PHLDB3: variants seen among roughly 807,000 people sequenced by gnomAD.
The protein encoded by PHLDB3 is pleckstrin homology like domain family B member 3, also known as pleckstrin homology-like domain family B member 3.
Under a neutral mutation model 85.7 loss-of-function variants are expected in PHLDB3, and 86 were observed. The ratio of observed to expected loss-of-function variants is 1.00; its 90% CI spans 0.84 to 1.20. The LOEUF (loss-of-function observed/expected upper bound fraction) is 1.20. Ranked by LOEUF, PHLDB3 falls within the 50% of genes most tolerant of loss-of-function variation. The pLI is 0.00. For synonymous variants in PHLDB3, 376 were observed against 349.8 expected, an observed-to-expected ratio of 1.07 and a Z score of -0.83; for missense variants, 995 against 873.0, an observed-to-expected ratio of 1.14 and a Z score of -1.76.
Position 43,479,468 on chromosome 19 carries a change from TC to T in PHLDB3, c.1610del (p.Gly537AspfsTer4), listed in dbSNP as rs1473098080. 1.3e-6 allele frequency: 2 copies of T among 1,562,602 alleles called. No individual in the cohort carries two copies. The highest frequency in any genetic ancestry group is 1.4e-5 in the African/African-American group (1 of 73,312). ...HVQVSGCCCR[G>X]PLVKMGGRIK... ...TGCGGCCGCCCATCTTCACCAGGGG[TC>T]CACGGCAGCAGCACCCAGACACCTG... On this transcript the variant is annotated frameshift_variant, in exon 14 of 16. Coordinates refer to ENST00000292140, the MANE Select transcript of PHLDB3 (RefSeq NM_198850.4). LOFTEE classifies it high-confidence loss of function.
intron 3 of PHLDB3, 52 bp downstream of exon 3, chr19:43,502,049 G>A: frequency 6.5e-7 from 1 of 1,534,216 alleles, no homozygotes; most frequent in Non-Finnish European, 8.8e-7. Flanking sequence ...GTCCGGCTTT[G>A]CGGGTTCCGC....
Position 43,497,884 on chromosome 19 carries a change from A to G in PHLDB3, c.535-8T>C, listed in dbSNP as rs778753039. 19 of 1,583,260 alleles carry G rather than the reference A, an allele frequency of 1.2e-5. 1 individual carries two copies. In the South Asian group the frequency reaches 2.1e-4, roughly 17 times the overall value. ...GCTCAGCCGCCTCTGTTCCTGAAAG[A>G]ACAACAAGGTTCTCACCCTCAGCTT... On this transcript the variant is annotated splice_region_variant and splice_polypyrimidine_tract_variant and intron_variant, in intron 4 of 15. Transcript: ENST00000292140.
rs1971683784 is a variant in PHLDB3 at position 43,503,957 on chromosome 19, T to G, written c.162A>C (p.Ala54=). The change falls in exon 2 of 16, where the codon GCA becomes GCC. Residue 54 remains alanine, a synonymous_variant. Transcript: ENST00000292140. The part of the protein sequence containing the change: ...PSSRGGAEQQ[A]EEEEVGEGSS... ...TGCCTTCTCCCACTTCTTCTTCCTCTGCCTGCTGCTCAGCTCCCCCGCGGC... is the reference window on the plus strand; with the variant it reads ...TGCCTTCTCCCACTTCTTCTTCCTCGGCCTGCTGCTCAGCTCCCCCGCGGC... The G allele has an allele frequency of 1.2e-6, 2 of 1,613,932 alleles. No homozygotes were observed. Among genetic ancestry groups the G allele is most frequent in the African/African-American group, 2.7e-5 (2 of 75,054 alleles).
In PHLDB3 at chr19:43,497,821, A is replaced by C. The variant is rs775064440; in HGVS notation, c.590T>G (p.Leu197Arg). 3 of 1,567,356 alleles carry C rather than the reference A, an allele frequency of 1.9e-6. No homozygotes were observed. The South Asian group carries it at 3.5e-5, about 18-fold the overall frequency. ...RDRLEGLRQR[L>R]RKAQGQLDSQ... Reference sequence around the variant, plus strand: ...GTCGAGCTGTCCCTGGGCCTTGCGGAGTCTCTGGCGAAGACCCTCTAGGCG... The same window carrying C: ...GTCGAGCTGTCCCTGGGCCTTGCGGCGTCTCTGGCGAAGACCCTCTAGGCG... Residue 197 changes from leucine (L) to arginine (R), a missense_variant, in exon 5 of 16, where the codon CTC (leucine) becomes CGC (arginine). Leu to Arg is a moderately radical substitution (Grantham distance 102, BLOSUM62 -2). Transcript: ENST00000292140.
chr19:43,475,137 C>T lies in PHLDB3; in HGVS notation c.*273G>A. On this transcript the variant is annotated 3_prime_UTR_variant, in exon 16 of 16. Coordinates refer to ENST00000292140, the MANE Select transcript of PHLDB3 (RefSeq NM_198850.4). ...TTCCTCCGTATTTAATTCGGTATCA[C>T]AGGAGCACCAATAAATAGTTTCTTC... The T allele has an allele frequency of 2.6e-6, 1 of 380,084 alleles. No homozygotes were observed. The highest frequency in any genetic ancestry group is 4.8e-6 in the Non-Finnish European group (1 of 206,690). 23.5% of individuals were successfully genotyped at this position (380,084 alleles called of 1,614,324 possible).
chr19:43,479,321 G>C lies in PHLDB3; in HGVS notation c.1702+56C>G. The C allele has an allele frequency of 2.6e-6, 4 of 1,513,586 alleles. No individual in the cohort carries two copies. In the South Asian group the frequency reaches 3.6e-5, roughly 14 times the overall value. 93.8% of individuals were successfully genotyped at this position (1,513,586 alleles called of 1,614,324 possible). ...GACTTCTGGTGCCTGTAGAGGAAAG[G>C]CCTCCGGAGTGGAATTCCAGCGTCC... On this transcript the variant is annotated intron_variant, in intron 14 of 15. Coordinates refer to ENST00000292140, the MANE Select transcript of PHLDB3 (RefSeq NM_198850.4).
chr19:43,479,277 C>T (rs1161829686), intron 14 of PHLDB3, 100 bp downstream of exon 14: 27 of 1,242,432 alleles, frequency 2.2e-5, no homozygotes, highest in Non-Finnish European at 2.9e-5. Flanking sequence ...TCCTGGGGAA[C>T]ATGGAAAGTG....
intron 15 of PHLDB3, among the ~76,000 whole-genome samples, chr19:43,477,390 G>A (rs961243314): frequency 6.6e-6 from 1 of 150,504 alleles, no homozygotes. Context: ...GTGGTGGCAC[G>A]CCTGTAATCC....
chr19:43,492,058 C>A (rs183782567), intron 9 of PHLDB3, among the ~76,000 whole-genome samples: 1 of 150,904 alleles, frequency 6.6e-6, no homozygotes, highest in African/African-American at 2.4e-5. Context: ...CGGGTTCAAG[C>A]GATTCTTCTG....
intron 4 of PHLDB3, among the ~76,000 whole-genome samples, chr19:43,498,194 T>C (rs1398217554): frequency 6.6e-6 from 1 of 151,706 alleles, no homozygotes; most frequent in Admixed American, 6.6e-5. Context: ...AAAAAATTAG[T>C]GGAGTGTGTT....
intron 10 of PHLDB3, 48 bp from the exon 11 acceptor site, chr19:43,486,918 A>G: frequency 6.7e-7 from 1 of 1,489,572 alleles, no homozygotes; most frequent in Non-Finnish European, 9.0e-7. Context: ...CCCTGGCCTG[A>G]GCCTATCCAC....
In PHLDB3 at chr19:43,479,583, GT is replaced by G; in HGVS notation, c.1495del (p.Thr499ProfsTer42). 1 of 1,487,224 alleles carries G rather than the reference GT, an allele frequency of 6.7e-7. No individual in the cohort carries two copies. Among genetic ancestry groups the G allele is most frequent in the Non-Finnish European group, 9.2e-7 (1 of 1,092,292 alleles). The allele number at this position is 1,487,224 out of a possible 1,614,324, so 92.1% of individuals were successfully genotyped here. A position where few individuals can be genotyped will look rare whatever the true frequency, so the allele number is the denominator to read the frequency against. On this transcript the variant is annotated frameshift_variant, in exon 14 of 16. Transcript: ENST00000292140. LOFTEE classifies it high-confidence loss of function. ...PAVPAITAPP[T>X]PPHPPGPRIL... ...TCGCGGGCCTGGAGGGTGGGGTGGGGTGGGTGGGGCCTGGGGAGCAAAGAGA... is the reference window on the plus strand; with the variant it reads ...TCGCGGGCCTGGAGGGTGGGGTGGGGGGGTGGGGCCTGGGGAGCAAAGAGA...
chr19:43,478,995 G>A (rs1170802610), intron 14 of PHLDB3, among the ~76,000 whole-genome samples: 1 of 152,186 alleles, frequency 6.6e-6, no homozygotes, highest in Non-Finnish European at 1.5e-5. Context: ...AGAGAAGAAG[G>A]ACAAGGGCCC....
intron 4 of PHLDB3, among the ~76,000 whole-genome samples, chr19:43,500,909 A>ACCCCCCCCCCCCCCCCCCCCCCCCC (rs1248570317): frequency 1.2e-4 from 2 of 17,150 alleles, no homozygotes; most frequent in African/African-American, 3.6e-4. Flanking sequence ...CGCCCCCCGT[A>ACCCCCCCCCCCCCCCCCCCCCCCCC]CCCCCCCCCC....
In PHLDB3 at chr19:43,477,356, T is replaced by C. The variant is rs539902380; in HGVS notation, c.1788+691A>G. On this transcript the variant is annotated intron_variant, in intron 15 of 15. Coordinates refer to ENST00000292140, the MANE Select transcript of PHLDB3 (RefSeq NM_198850.4). ...CAACACAGTGACACCCCATCTCAAC[T>C]AAAAATACAAAAGTTAGCCAGCTGT... is the stretch of plus-strand genomic sequence containing the variant. Among the ~76,000 whole-genome samples, 2 of 150,390 alleles carry C rather than the reference T, an allele frequency of 1.3e-5. 1 individual carries two copies. Among genetic ancestry groups the C allele is most frequent in the Admixed American group, 1.3e-4 (2 of 15,060 alleles).
intron 14 of PHLDB3, among the ~76,000 whole-genome samples, chr19:43,478,582 T>C (rs1178573708): frequency 6.6e-6 from 1 of 152,080 alleles, no homozygotes; most frequent in Non-Finnish European, 1.5e-5. Flanking sequence ...TAGAGTCAAA[T>C]GGTCATACAG....
intron 9 of PHLDB3, among the ~76,000 whole-genome samples, chr19:43,489,618 T>C (rs1235050179): frequency 6.6e-6 from 1 of 152,066 alleles, no homozygotes; most frequent in Admixed American, 6.6e-5. Context: ...ATGTTAACTT[T>C]TTAAAAGCAA....
intron 9 of PHLDB3, 127 bp downstream of exon 9, chr19:43,494,575 C>G: frequency 1.4e-6 from 1 of 711,806 alleles, no homozygotes; most frequent in East Asian, 2.7e-5. Context: ...CCCTATCCCC[C>G]ACCGGCCCCA....
At chr19:43,486,428 G>A in intron 12 of PHLDB3, 106 bp from the exon 13 acceptor site, 1 of 1,299,540 alleles carries the variant, frequency 7.7e-7, no homozygotes, top group South Asian at 1.4e-5. Context: ...GGGACTGGGG[G>A]CCTGGACTCC....
Sources: allele counts gnomAD v4.1 joint callset (sites outside exome capture counted in the v4.1 genomes callset), GRCh38; gene constraint gnomAD v4.1.1; transcripts MANE v1.5; gene names NCBI Gene and HGNC (gene_info 2026-07-23, HGNC 2026-07-21).